FZD6: variants seen among roughly 807,000 people sequenced by gnomAD.
FZD6 encodes the protein frizzled class receptor 6, also known as frizzled-6.
Under a neutral mutation model 61.4 loss-of-function variants are expected in FZD6, and 49 were observed. The ratio of observed to expected loss-of-function variants is 0.80; its 90% CI spans 0.63 to 1.01. FZD6 has a LOEUF of 1.01. Ranked by LOEUF, FZD6 falls within the 50% of genes least tolerant of loss-of-function variation. The probability of loss-of-function intolerance (pLI) is 0.00; values close to 1 mark genes in which losing one functional copy is unlikely to be tolerated. For missense variants in FZD6, 724 were observed against 848.2 expected, an observed-to-expected ratio of 0.85 and a Z score of 1.82; for synonymous variants, 265 against 292.2, an observed-to-expected ratio of 0.91 and a Z score of 0.95.
In FZD6 at chr8:103,318,699, G is replaced by A. The variant is rs766434022; in HGVS notation, c.287G>A (p.Arg96His). 1.3e-5 allele frequency: 21 copies of A among 1,608,150 alleles called. No individual in the cohort carries two copies. The highest frequency in any genetic ancestry group is 8.3e-5 in the Admixed American group (5 of 59,948). ...CAAATTCATGTGGTTCCACCTTGTC[G>A]TAAACTTTGTGAGAAAGTATATTCT... is the stretch of plus-strand genomic sequence containing the variant. ...IEQIHVVPPC[R>H]KLCEKVYSDC... The change falls in exon 3 of 7, where the codon CGT (arginine) becomes CAT (histidine). Residue 96 changes from arginine (R) to histidine (H), a missense_variant. By Grantham distance (29) the Arg-to-His change is conservative. Transcript: ENST00000358755.
chr8:103,318,617 T>C lies in FZD6; in HGVS notation c.205T>C (p.Cys69Arg). Residue 69 changes from cysteine (C) to arginine (R), a missense_variant, in exon 3 of 7, where the codon TGT becomes CGT. Transcript: ENST00000358755. ...TTTTCTTCCTCTCGCAAATCTGGAA[T>C]GTTCACCAAACATTGAAACTTTCCT... ...EHFLPLANLE[C>R]SPNIETFLCK... 1.2e-6 allele frequency: 2 copies of C among 1,609,872 alleles called. No homozygotes were observed. Among genetic ancestry groups the C allele is most frequent in the South Asian group, 1.1e-5 (1 of 90,992 alleles).
intron 4 of FZD6, among the ~76,000 whole-genome samples, chr8:103,327,254 A>T (rs1814976613): frequency 6.6e-6 from 1 of 152,244 alleles, no homozygotes; most frequent in African/African-American, 2.4e-5. Context: ...CAGGGATAGT[A>T]GAATAAGTTA....
At chr8:103,329,013 T>TA (rs1815041877) in intron 5 of FZD6, among the ~76,000 whole-genome samples, 1 of 115,178 alleles carries the variant, frequency 8.7e-6, no homozygotes, top group Admixed American at 1.0e-4. Flanking sequence ...CATTTTAGTT[T>TA]TATATATATA....
chr8:103,302,051 T>C (rs1814187785), intron 2 of FZD6, among the ~76,000 whole-genome samples: 1 of 151,944 alleles, frequency 6.6e-6, no homozygotes, highest in African/African-American at 2.4e-5. Flanking sequence ...TTTTTTTTGC[T>C]ATAAATCATA....
At chr8:103,312,744 C>T (rs1458013006) in intron 2 of FZD6, among the ~76,000 whole-genome samples, 1 of 152,114 alleles carries the variant, frequency 6.6e-6, no homozygotes, top group Non-Finnish European at 1.5e-5. Context: ...AGGCTGACTA[C>T]CCATTATTTA....
chr8:103,329,870 T>C lies in FZD6; in HGVS notation c.1757T>C (p.Leu586Ser), dbSNP rs764759728. The change falls in exon 6 of 7, where the codon TTG (leucine) becomes TCG (serine). Residue 586 changes from leucine to serine, a missense_variant. Transcript: ENST00000358755. The stretch of plus-strand genomic sequence containing the variant: ...CATGATTACCTAGGACAAGAAACTT[T>C]GACAGAAATCCAAACCTCACCAGAA... Reference protein sequence around the residue: ...TSHDYLGQETLTEIQTSPETS... With the variant: ...TSHDYLGQETSTEIQTSPETS... 15 of 1,614,146 alleles carry C rather than the reference T, an allele frequency of 9.3e-6. No homozygotes were observed. Among genetic ancestry groups the C allele is most frequent in the Non-Finnish European group, 1.3e-5 (15 of 1,179,998 alleles).
intron 4 of FZD6, among the ~76,000 whole-genome samples, chr8:103,327,605 AAAT>A (rs1814989640): frequency 6.6e-6 from 1 of 152,174 alleles, no homozygotes; most frequent in Non-Finnish European, 1.5e-5. Context: ...CAAAAAATAA[AAAT>A]AAAATAAAAA....
chr8:103,304,295 G>A (rs1437932456), intron 2 of FZD6, among the ~76,000 whole-genome samples: 2 of 152,130 alleles, frequency 1.3e-5, no homozygotes, highest in African/African-American at 2.4e-5. Flanking sequence ...AGCATTTATG[G>A]TCATTTTTAA....
At chr8:103,328,716 A>G (rs1815027938) in intron 5 of FZD6, among the ~76,000 whole-genome samples, 1 of 151,728 alleles carries the variant, frequency 6.6e-6, no homozygotes, top group African/African-American at 2.4e-5. Context: ...TTTATAGTAT[A>G]TCCAGTATTA....
chr8:103,324,778 T>C lies in FZD6; in HGVS notation c.672T>C (p.Val224=). 6.2e-7 allele frequency: 1 copy of C among 1,613,618 alleles called. No homozygotes were observed. The highest frequency in any genetic ancestry group is 8.5e-7 in the Non-Finnish European group (1 of 1,179,526). The part of the protein sequence containing the change: ...LFTFLTFLID[V]RRFRYPERPI... ...CATTCCTTACTTTTTTAATTGATGT[T>C]AGAAGATTCAGATACCCAGAGAGAC... is the stretch of plus-strand genomic sequence containing the variant. Residue 224 remains valine (V), a synonymous_variant, in exon 4 of 7, where the codon GTT becomes GTC. Transcript: ENST00000358755.
intron 2 of FZD6, among the ~76,000 whole-genome samples, chr8:103,311,279 C>T (rs1244017336): frequency 6.6e-6 from 1 of 152,166 alleles, no homozygotes; most frequent in African/African-American, 2.4e-5. Context: ...ATAACCCTCT[C>T]CCCAGGAATC....
intron 2 of FZD6, among the ~76,000 whole-genome samples, chr8:103,306,461 T>C (rs2130274806): frequency 6.6e-6 from 1 of 152,048 alleles, no homozygotes; most frequent in East Asian, 1.9e-4. Context: ...CCTTTAGACT[T>C]TAGTGAGCCT....
intron 5 of FZD6, 43 bp from the exon 6 acceptor site, chr8:103,329,612 C>G (rs376352531): frequency 6.9e-7 from 1 of 1,441,564 alleles, no homozygotes; most frequent in African/African-American, 1.4e-5. Context: ...TTTATAGCCA[C>G]ACTTCTAATT....
At chr8:103,320,019 G>T (rs1361634515) in intron 3 of FZD6, among the ~76,000 whole-genome samples, 2 of 152,152 alleles carry the variant, frequency 1.3e-5, no homozygotes, top group Non-Finnish European at 2.9e-5. Flanking sequence ...GAAGGAGATA[G>T]GATCCCAAGC....
chr8:103,311,205 A>G (rs1403050153), intron 2 of FZD6, among the ~76,000 whole-genome samples: 1 of 152,194 alleles, frequency 6.6e-6, no homozygotes, highest in Non-Finnish European at 1.5e-5. Flanking sequence ...TTATTTGGCC[A>G]CTGCAAGGAT....
intron 5 of FZD6, 117 bp from the exon 6 acceptor site, chr8:103,329,538 A>G (rs1178087070): frequency 1.5e-6 from 1 of 675,066 alleles, no homozygotes. Flanking sequence ...AAACCATAGA[A>G]TTTTCAACTT....
intron 6 of FZD6, among the ~76,000 whole-genome samples, chr8:103,330,569 A>C (rs995800495): frequency 6.6e-6 from 1 of 152,216 alleles, no homozygotes; most frequent in Non-Finnish European, 1.5e-5. Context: ...TATCTTACCT[A>C]GTCCTCTCAG....
chr8:103,327,116 C>T (rs913974468), intron 4 of FZD6, among the ~76,000 whole-genome samples: 3 of 152,164 alleles, frequency 2.0e-5, no homozygotes, highest in Non-Finnish European at 4.4e-5. Context: ...AATGTGTGTA[C>T]ACTGATACTG....
chr8:103,327,332 C>T (rs896909053), intron 4 of FZD6, among the ~76,000 whole-genome samples: 3 of 152,200 alleles, frequency 2.0e-5, no homozygotes, highest in Non-Finnish European at 2.9e-5. Context: ...CGGTGGCTTA[C>T]GCCTGTAATC....
Sources: gnomAD v4.1 joint callset for allele counts (sites outside exome capture counted in the v4.1 genomes callset) on GRCh38, gnomAD v4.1.1 for gene constraint, MANE v1.5 for transcripts, NCBI Gene and HGNC (gene_info 2026-07-23, HGNC 2026-07-21) for gene names.